The following BRD9 variants were observed in gnomAD, a reference collection of about 807,000 sequenced individuals.
BRD9 encodes bromodomain containing 9, also known as bromodomain-containing protein 9.
Under a neutral mutation model 68.7 loss-of-function variants are expected in BRD9, and 47 were observed. The observed-to-expected ratio is 0.68, with a 90% CI of 0.54 to 0.87. The LOEUF (loss-of-function observed/expected upper bound fraction) is 0.87. Ranked by LOEUF, BRD9 falls within the 40% of genes least tolerant of loss-of-function variation. The probability of loss-of-function intolerance (pLI) is 0.00; values close to 1 mark genes in which losing one functional copy is unlikely to be tolerated. For synonymous variants in BRD9, 313 were observed against 293.9 expected, an observed-to-expected ratio of 1.06 and a Z score of -0.67; for missense variants, 670 against 748.4, an observed-to-expected ratio of 0.90 and a Z score of 1.22.
intron 14 of BRD9, among the ~76,000 whole-genome samples, chr5:867,202 G>C (rs2150550444): frequency 6.6e-6 from 1 of 152,366 alleles, no homozygotes; most frequent in Non-Finnish European, 1.5e-5. Flanking sequence ...TGGGTATGTG[G>C]GTAGGCAGAA....
chr5:864,643 G>A (rs1034593827), intron 15 of BRD9, 75 bp from the exon 16 acceptor site: 8 of 1,371,274 alleles, frequency 5.8e-6, no homozygotes, highest in Non-Finnish European at 8.2e-6. Flanking sequence ...GGAGCCCAAG[G>A]TCTGCTTCCT....
chr5:870,987 AC>A, intron 13 of BRD9, among the ~76,000 whole-genome samples: 1 of 151,538 alleles, frequency 6.6e-6, no homozygotes, highest in East Asian at 1.9e-4. Flanking sequence ...GACTACAGCC[AC>A]CCTAACACAT....
At chr5:881,810 C>A in intron 8 of BRD9, 1 of 153,916 alleles carries the variant, frequency 6.5e-6, no homozygotes. Context: ...CATGCAAAGT[C>A]TCAGAGCCCA....
At chr5:887,171 A>T (rs1752694524) in intron 6 of BRD9, among the ~76,000 whole-genome samples, 190 bp downstream of exon 6, 1 of 152,220 alleles carries the variant, frequency 6.6e-6, no homozygotes, top group Non-Finnish European at 1.5e-5. Context: ...CCAACCCTCA[A>T]TGAGATGTTA....
chr5:892,154 C>T (rs976247951), intron 1 of BRD9: 1 of 443,742 alleles, frequency 2.3e-6, no homozygotes, highest in African/African-American at 2.0e-5. Flanking sequence ...ACCTGGAACC[C>T]CGGAGCCCGA....
rs922105621 is a variant in BRD9, at chr5:881,103, C to A, written c.1042+4G>T. ...CATAAAGCCAGCCCTGAGCGGGCAC[C>A]CACCATCAGCGTCCGGCTCGGCCGT... On this transcript the variant is annotated splice_donor_region_variant and intron_variant, in intron 9 of 15. Coordinates refer to ENST00000467963, the MANE Select transcript of BRD9 (RefSeq NM_023924.5). 1 of 1,613,838 alleles carries A rather than the reference C, an allele frequency of 6.2e-7. No homozygotes were observed. Among genetic ancestry groups the A allele is most frequent in the African/African-American group, 1.3e-5 (1 of 74,934 alleles).
intron 10 of BRD9, 186 bp from the exon 11 acceptor site, chr5:878,673 A>G (rs1253551563): frequency 1.4e-6 from 1 of 728,024 alleles, no homozygotes; most frequent in South Asian, 1.8e-5. Context: ...GGTGTAATTC[A>G]CCACCCCTCA....
At chr5:886,990 T>C in intron 6 of BRD9, 2 of 528,602 alleles carry the variant, frequency 3.8e-6, no homozygotes, top group Non-Finnish European at 6.8e-6. Context: ...GCATGCAGCC[T>C]GGCTCACGGC....
At chr5:874,732 G>A (rs1750651667) in intron 12 of BRD9, among the ~76,000 whole-genome samples, 1 of 152,260 alleles carries the variant, frequency 6.6e-6, no homozygotes, top group African/African-American at 2.4e-5. Context: ...TGGAGCCCAA[G>A]TGATGAGCAG....
At position 892,614 on chromosome 5, in the gene BRD9, G is replaced by A; in HGVS notation, c.44C>T (p.Ser15Phe). Residue 15 changes from serine to phenylalanine, a missense_variant, in exon 1 of 16, where the codon TCC becomes TTC. Coordinates refer to ENST00000467963, the MANE Select transcript of BRD9 (RefSeq NM_023924.5). ...HKKHKAEWRS[S>F]YEDYADKPLE... ...AAGCGCCGCCGCCTCACCCTCGTAG[G>A]ACGAGCGCCACTCGGCCTTGTGCTT... The A allele has an allele frequency of 6.5e-7, 1 of 1,529,510 alleles. No homozygotes were observed. Among genetic ancestry groups the A allele is most frequent in the Non-Finnish European group, 8.8e-7 (1 of 1,137,642 alleles). The allele number at this position is 1,529,510 out of a possible 1,614,324, so 94.7% of individuals were successfully genotyped here.
intron 13 of BRD9, among the ~76,000 whole-genome samples, chr5:871,066 T>A (rs116493477): frequency 0.011 from 1,601 of 152,252 alleles, 12 homozygotes; most frequent in South Asian, 0.017. Flanking sequence ...CTCTCCAGGT[T>A]CCCAGGGACC....
At chr5:883,560 G>C in intron 8 of BRD9, 1 of 391,226 alleles carries the variant, frequency 2.6e-6, no homozygotes, top group South Asian at 2.0e-5. Context: ...CCATCTGTCG[G>C]ATCCAACACC....
chr5:886,098 C>T (rs962150591), intron 7 of BRD9, among the ~76,000 whole-genome samples: 2 of 152,246 alleles, frequency 1.3e-5, no homozygotes, highest in Non-Finnish European at 2.9e-5. Context: ...GCATCCACAC[C>T]TTCCTGACCA....
intron 3 of BRD9, among the ~76,000 whole-genome samples, chr5:890,872 T>G (rs1490346884): frequency 1.3e-5 from 2 of 151,348 alleles, no homozygotes; most frequent in African/African-American, 4.9e-5. Context: ...AGATGCCTTT[T>G]TGTTTCTTTT....
Position 876,117 on chromosome 5 carries a change from A to G in BRD9, c.1367T>C (p.Leu456Pro), listed in dbSNP as rs767657887. 2.5e-6 allele frequency: 4 copies of G among 1,612,456 alleles called. No homozygotes were observed. The highest frequency in any genetic ancestry group is 2.5e-6 in the Non-Finnish European group (3 of 1,179,348). ...QITGGDHSRT[L>P]FQLKQRRNVP... Reference sequence around the variant, plus strand: ...GCAGCCCACCTGCTTCAGCTGGAAGAGCGTCCTAGAGTGGTCTCCGCCTGT... The same window carrying G: ...GCAGCCCACCTGCTTCAGCTGGAAGGGCGTCCTAGAGTGGTCTCCGCCTGT... The change falls in exon 12 of 16, where the codon CTC (leucine) becomes CCC (proline). Residue 456 changes from leucine (L) to proline (P), a missense_variant. Physicochemically the swap from Leu to Pro is moderately conservative, Grantham distance 98. This residue lies in a region of BRD9 where 280 missense variants were observed against 281.5 expected (regional missense o/e 0.99). Coordinates refer to ENST00000467963, the MANE Select transcript of BRD9 (RefSeq NM_023924.5).
In BRD9 at chr5:878,033, G is replaced by A. The variant is rs372346945; in HGVS notation, c.1271+322C>T. 3.9e-5 allele frequency among the ~76,000 whole-genome samples: 6 copies of A among 152,306 alleles called. No homozygotes were observed. In the East Asian group the frequency reaches 1.2e-3, roughly 29 times the overall value. Reference sequence around the variant, plus strand: ...GCCCCCAGGAATAAGACCCCAGTCTGTGGTGCTTTGTCACTGCAGCCTGAG... The same window carrying A: ...GCCCCCAGGAATAAGACCCCAGTCTATGGTGCTTTGTCACTGCAGCCTGAG... On this transcript the variant is annotated intron_variant, in intron 11 of 15. Coordinates refer to ENST00000467963, the MANE Select transcript of BRD9 (RefSeq NM_023924.5).
intron 1 of BRD9, 42 bp downstream of exon 1, chr5:892,564 G>C (rs1753624500): frequency 1.3e-6 from 2 of 1,530,636 alleles, no homozygotes; most frequent in East Asian, 2.6e-5. Context: ...CCCCGTGCCC[G>C]GGACCCCGCC....
At chr5:869,109 C>T in intron 14 of BRD9, 5 of 300,320 alleles carry the variant, frequency 1.7e-5, no homozygotes, top group South Asian at 1.4e-4. Flanking sequence ...TCACAGAAGT[C>T]AGGGAAACAT....
At chr5:876,296 G>A (rs969863975) in intron 11 of BRD9, 84 bp from the exon 12 acceptor site, 13 of 1,025,374 alleles carry the variant, frequency 1.3e-5, no homozygotes, top group African/African-American at 3.2e-5. Flanking sequence ...GAAGCCTGCC[G>A]TGCCAGCGCA....
Sources: allele counts gnomAD v4.1 joint callset (sites outside exome capture counted in the v4.1 genomes callset), GRCh38; gene constraint gnomAD v4.1.1; regional missense constraint gnomAD v4.1.1; transcripts MANE v1.5; gene names NCBI Gene and HGNC (gene_info 2026-07-23, HGNC 2026-07-21).